SNU13: variants seen among roughly 807,000 people sequenced by gnomAD.
SNU13 encodes the protein NHP2-like protein 1.
SNU13 carries 2 observed loss-of-function variants against 12.4 expected under a neutral mutation model. The ratio of observed to expected loss-of-function variants is 0.16; its 90% CI spans 0.07 to 0.51. The LOEUF (loss-of-function observed/expected upper bound fraction) is 0.51, where lower values mean the gene tolerates loss of function less well. SNU13 is among the 20% of genes least tolerant of loss of function. The pLI is 0.96. For missense variants in SNU13, 66 were observed against 157.8 expected (o/e 0.42, Z 3.12); for synonymous variants, 68 against 66.5 (o/e 1.02, Z -0.11).
chr22:41,689,232 G>A (rs1200411480), upstream of SNU13: 3 of 350,066 alleles, frequency 8.6e-6, no homozygotes, highest in Non-Finnish European at 1.2e-5. Flanking sequence ...GCGTGGTGGC[G>A]GGCGCCTGTA....
intron 1 of SNU13, among the ~76,000 whole-genome samples, chr22:41,682,097 G>C (rs1421491404): frequency 2.0e-5 from 3 of 151,974 alleles, no homozygotes; most frequent in Admixed American, 1.3e-4. Context: ...TGCGAATCGC[G>C]AGTGATTCAC....
At position 41,674,730 on chromosome 22, in the gene SNU13, G is replaced by A. The variant is rs995464351; in HGVS notation, c.*203C>T. 1.1e-5 allele frequency: 7 copies of A among 651,694 alleles called. No homozygotes were observed. The highest frequency in any genetic ancestry group is 7.3e-5 in the African/African-American group (4 of 54,648). 40.4% of individuals were successfully genotyped at this position (651,694 alleles called of 1,614,324 possible). A position where few individuals can be genotyped will look rare whatever the true frequency, so the allele number is the denominator to read the frequency against. ...AAAAAGGGAGGATAAAAGGATGAAG[G>A]ATGGCAGAGGGAGGGAGGAAAGGAA... On this transcript the variant is annotated 3_prime_UTR_variant, in exon 3 of 3. Coordinates refer to ENST00000401959, the MANE Select transcript of SNU13 (RefSeq NM_001003796.2).
intron 2 of SNU13, among the ~76,000 whole-genome samples, chr22:41,678,039 G>A (rs990676789): frequency 6.7e-6 from 1 of 150,354 alleles, no homozygotes; most frequent in African/African-American, 2.5e-5. Flanking sequence ...GCAGTGGTGA[G>A]ATCTCGGCTC....
intron 1 of SNU13, among the ~76,000 whole-genome samples, chr22:41,687,342 A>C (rs887399088): frequency 3.9e-5 from 6 of 152,222 alleles, no homozygotes; most frequent in African/African-American, 1.4e-4. Context: ...CAATTTAAAA[A>C]AACTTTAAAA....
chr22:41,676,419 G>T (rs1240947500), intron 2 of SNU13, among the ~76,000 whole-genome samples: 3 of 152,092 alleles, frequency 2.0e-5, no homozygotes, highest in Non-Finnish European at 2.9e-5. Flanking sequence ...TTACACAAAT[G>T]ACCTTGAGCA....
At chr22:41,682,429 G>C in intron 1 of SNU13, 3 of 1,611,794 alleles carry the variant, frequency 1.9e-6, no homozygotes, top group Middle Eastern at 3.3e-4. Flanking sequence ...ACGGTCTGCT[G>C]CCCAGCACCG....
At chr22:41,687,058 C>G (rs1032111089) in intron 1 of SNU13, among the ~76,000 whole-genome samples, 63 of 150,550 alleles carry the variant, frequency 4.2e-4, no homozygotes, top group African/African-American at 1.5e-3. Context: ...CAGGTTCAAG[C>G]GATTCTCCTT....
chr22:41,689,202 A>C, upstream of SNU13: 1 of 603,894 alleles, frequency 1.7e-6, no homozygotes. Flanking sequence ...TCCCTACTAA[A>C]AAATACAAAA....
chr22:41,688,859 C>T lies in SNU13; in HGVS notation c.-63G>A. 7 of 1,533,914 alleles carry T rather than the reference C, an allele frequency of 4.6e-6. No homozygotes were observed. The highest frequency in any genetic ancestry group is 1.2e-5 in the South Asian group (1 of 85,906). ...GCAGCTGACGTTTCAGAAGCACTCG[C>T]GTGCACCGGAAAAACTCACAGAAGC... On this transcript the variant is annotated 5_prime_UTR_variant, in exon 1 of 3. Transcript: ENST00000401959.
chr22:41,682,225 G>T, intron 1 of SNU13: 1 of 957,220 alleles, frequency 1.0e-6, no homozygotes, highest in African/African-American at 1.6e-5. Context: ...GTGGTCTCCT[G>T]CCCGACACCG....
chr22:41,682,195 C>T (rs1237438889), intron 1 of SNU13, among the ~76,000 whole-genome samples: 2 of 151,794 alleles, frequency 1.3e-5, no homozygotes, highest in African/African-American at 4.8e-5. Context: ...TGGGACCACT[C>T]ATCTATAGCG....
At chr22:41,679,304 A>T (rs1005401016) in intron 2 of SNU13, among the ~76,000 whole-genome samples, 1 of 151,122 alleles carries the variant, frequency 6.6e-6, no homozygotes, top group Non-Finnish European at 1.5e-5. Context: ...CTGTAATCCC[A>T]GCAGCACTTT....
At chr22:41,686,680 G>A (rs2068313036) in intron 1 of SNU13, among the ~76,000 whole-genome samples, 1 of 151,734 alleles carries the variant, frequency 6.6e-6, no homozygotes, top group Non-Finnish European at 1.5e-5. Flanking sequence ...AGGCTGTAGT[G>A]CAGTGGCATG....
rs2285125 is a variant in SNU13 at position 41,680,406 on chromosome 22, A to C, written c.4-42T>G. ...AAAATATCAGACAAATTGAGCCAGAAGTTTTCCTACCTGAGTCACAAAATA... is the reference window on the plus strand; with the variant it reads ...AAAATATCAGACAAATTGAGCCAGACGTTTTCCTACCTGAGTCACAAAATA... On this transcript the variant is annotated intron_variant, in intron 1 of 2. Transcript: ENST00000401959. 15 of 1,587,508 alleles carry C rather than the reference A, an allele frequency of 9.4e-6. No individual in the cohort carries two copies. In the South Asian group the frequency reaches 1.5e-4, roughly 16 times the overall value.
At chr22:41,684,264 A>C (rs1270973222) in intron 1 of SNU13, among the ~76,000 whole-genome samples, 1 of 152,198 alleles carries the variant, frequency 6.6e-6, no homozygotes. Context: ...GGTGAGAAAG[A>C]GGGGCTTCGG....
upstream of SNU13, chr22:41,689,048 C>G: frequency 8.0e-7 from 1 of 1,245,748 alleles, no homozygotes; most frequent in Non-Finnish European, 1.0e-6. Flanking sequence ...TTGGCAGAAA[C>G]AATGAATTAA....
rs920551301 is a variant in SNU13, at chr22:41,681,999, T to G, written c.4-1635A>C. Among the ~76,000 whole-genome samples, 4 of 152,230 alleles carry G rather than the reference T, an allele frequency of 2.6e-5. No individual in the cohort carries two copies. The East Asian group carries it at 7.7e-4, about 29-fold the overall frequency. On this transcript the variant is annotated intron_variant, in intron 1 of 2. Transcript: ENST00000401959. ...TTTCATTAATTTTTCTCTTTTTTTT[T>G]TTGTTTTTACAAACACATATTTATA... is the stretch of plus-strand genomic sequence containing the variant.
chr22:41,681,065 G>T (rs2068259500), intron 1 of SNU13, among the ~76,000 whole-genome samples: 1 of 152,186 alleles, frequency 6.6e-6, no homozygotes. Context: ...TACAGTAAAT[G>T]TAGCACAAAG....
intron 1 of SNU13, among the ~76,000 whole-genome samples, chr22:41,685,824 C>T (rs973800361): frequency 3.3e-5 from 5 of 151,602 alleles, no homozygotes; most frequent in South Asian, 4.2e-4. Context: ...AAAAAATAGC[C>T]GGGCATGGTG....
Sources: allele counts gnomAD v4.1 joint callset (sites outside exome capture counted in the v4.1 genomes callset), GRCh38; gene constraint gnomAD v4.1.1; transcripts MANE v1.5; gene names NCBI Gene and HGNC (gene_info 2026-07-23, HGNC 2026-07-21).